COL22A1: variants seen among roughly 807,000 people sequenced by gnomAD.
COL22A1 encodes the protein collagen type XXII alpha 1 chain, also known as collagen alpha-1(XXII) chain.
A neutral mutation model predicts 248.9 loss-of-function variants in COL22A1; 221 were observed. The observed-to-expected ratio is 0.89, with a 90% confidence interval of 0.80 to 0.99. The LOEUF is 0.99. Among genes scored for constraint, COL22A1 ranks in the 50% least tolerant of loss-of-function variants. The pLI is 0.00. For synonymous variants in COL22A1, 891 were observed against 793.4 expected, an observed-to-expected ratio of 1.12 and a Z score of -2.07; for missense variants, 2,240 against 2,179.0, an observed-to-expected ratio of 1.03 and a Z score of -0.56.
intron 17 of COL22A1, 33 bp downstream of exon 17, chr8:138,762,380 A>G: frequency 6.2e-7 from 1 of 1,610,880 alleles, no homozygotes; most frequent in Non-Finnish European, 8.5e-7. Flanking sequence ...ACCGCTGATG[A>G]AACCTAGCCC....
At chr8:138,724,750 C>A in intron 24 of COL22A1, 82 bp from the exon 25 acceptor site, 1 of 1,398,164 alleles carries the variant, frequency 7.2e-7, no homozygotes. Flanking sequence ...CTGGCATGGG[C>A]CCAGGCCTCT....
intron 23 of COL22A1, among the ~76,000 whole-genome samples, chr8:138,726,334 T>TA (rs1422750785): frequency 2.7e-5 from 4 of 150,606 alleles, no homozygotes; most frequent in African/African-American, 9.8e-5. Flanking sequence ...TCCCTAGAAA[T>TA]AAAAAAATAA....
chr8:138,686,284 G>A (rs1826342512), intron 37 of COL22A1, among the ~76,000 whole-genome samples: 1 of 152,168 alleles, frequency 6.6e-6, no homozygotes, highest in Admixed American at 6.5e-5. Flanking sequence ...CCAGGCCAGT[G>A]CTTCATCTTC....
At chr8:138,690,146 A>G (rs943646422) in intron 36 of COL22A1, among the ~76,000 whole-genome samples, 3 of 152,250 alleles carry the variant, frequency 2.0e-5, no homozygotes, top group Admixed American at 6.5e-5. Flanking sequence ...TACTATGCTT[A>G]TTACCTATAA....
intron 39 of COL22A1, among the ~76,000 whole-genome samples, chr8:138,679,891 T>C (rs188512314): frequency 2.4e-4 from 37 of 152,322 alleles, no homozygotes; most frequent in Non-Finnish European, 3.5e-4. Context: ...CATTGAGATC[T>C]GCCTTTGACC....
chr8:138,674,117 C>A (rs1448452032), intron 41 of COL22A1, among the ~76,000 whole-genome samples: 2 of 152,124 alleles, frequency 1.3e-5, no homozygotes, highest in African/African-American at 4.8e-5. Context: ...GATCACCTCC[C>A]AAACAAACTC....
chr8:138,787,139 GC>G (rs201581488), intron 12 of COL22A1, among the ~76,000 whole-genome samples: 2,143 of 152,354 alleles, frequency 0.014, 25 homozygotes, highest in Middle Eastern at 0.027. Flanking sequence ...TCATCCAAGT[GC>G]ATGGGATGGG....
At chr8:138,724,364 G>A (rs996818944) in intron 25 of COL22A1, among the ~76,000 whole-genome samples, 3 of 152,186 alleles carry the variant, frequency 2.0e-5, no homozygotes, top group African/African-American at 7.2e-5. Flanking sequence ...AAGGTCAGTG[G>A]CCTAGGGACT....
Position 138,594,151 on chromosome 8 carries a change from G to T in COL22A1, c.4481C>A (p.Ser1494Ter). 1 of 1,577,130 alleles carries T rather than the reference G, an allele frequency of 6.3e-7. No individual in the cohort carries two copies. The highest frequency in any genetic ancestry group is 1.2e-5 in the South Asian group (1 of 85,946). The stretch of plus-strand genomic sequence containing the variant: ...TGGGGGCCCAGGTCTGCCTTGAGAT[G>T]ACTTCATGTACGCCGGGGGCATCTG... Reference protein sequence around the residue: ...LAQMPPAYMKSSQGRPGPPGP... With the variant: ...LAQMPPAYMK Residue 1494 changes from serine (S) to a stop codon, truncating the protein, a stop_gained, in exon 63 of 65, where the codon TCA (serine) becomes TAA (stop). Transcript: ENST00000303045. LOFTEE classifies it high-confidence loss of function.
At position 138,619,456 on chromosome 8, in the gene COL22A1, G is replaced by GGTGGGCCTC. The variant is rs759935973; in HGVS notation, c.3815_3823dup (p.Arg1272_Pro1274dup). On this transcript the variant is annotated inframe_insertion and splice_region_variant, in exon 53 of 65. Coordinates refer to ENST00000303045, the MANE Select transcript of COL22A1 (RefSeq NM_152888.3). ...TCCCCACACACACTACACACTTACA[G>GGTGGGCCTC]GTGGGCCTCGGGCACCCTCTGGTCC... The GGTGGGCCTC allele has an allele frequency of 6.2e-7, 1 of 1,613,982 alleles. No individual in the cohort carries two copies. The highest frequency in any genetic ancestry group is 1.3e-5 in the African/African-American group (1 of 75,044).
In COL22A1 at chr8:138,901,778, A is replaced by T. The variant is rs895723495; in HGVS notation, c.-73+11841T>A. 3.9e-5 allele frequency among the ~76,000 whole-genome samples: 6 copies of T among 152,006 alleles called. No homozygotes were observed. The South Asian group carries it at 1.2e-3, about 32-fold the overall frequency. On this transcript the variant is annotated intron_variant, in intron 1 of 64. Coordinates refer to ENST00000303045, the MANE Select transcript of COL22A1 (RefSeq NM_152888.3). ...CCTCATTGCCTTTGGATAAAGTCCG[A>T]GTGCTTATTGCAGACCTTCATGGGC...
At chr8:138,853,199 G>T (rs917427394) in intron 3 of COL22A1, among the ~76,000 whole-genome samples, 4 of 152,164 alleles carry the variant, frequency 2.6e-5, no homozygotes, top group African/African-American at 4.8e-5. Context: ...AGCATTTATA[G>T]TGAGGTTTGG....
chr8:138,637,759 T>C (rs553400174), intron 47 of COL22A1, among the ~76,000 whole-genome samples: 8 of 152,280 alleles, frequency 5.3e-5, no homozygotes, highest in African/African-American at 1.9e-4. Flanking sequence ...TTATGACAGG[T>C]TGTGTGTTAG....
intron 1 of COL22A1, among the ~76,000 whole-genome samples, chr8:138,895,269 C>T (rs4736060): frequency 0.21 from 31,888 of 151,844 alleles, 3,665 homozygotes; most frequent in African/African-American, 0.31. Flanking sequence ...CTGAAAGTAA[C>T]TTATTATGCC....
chr8:138,689,158 C>T (rs894865353), intron 36 of COL22A1, among the ~76,000 whole-genome samples, 188 bp from the exon 37 acceptor site: 3 of 143,754 alleles, frequency 2.1e-5, no homozygotes, highest in East Asian at 2.1e-4. Context: ...GCTGCTCTCC[C>T]GGGGGGGGGG....
At chr8:138,674,320 C>A (rs144243290) in intron 41 of COL22A1, among the ~76,000 whole-genome samples, 124 of 152,264 alleles carry the variant, frequency 8.1e-4, no homozygotes, top group African/African-American at 3.0e-3. Flanking sequence ...GTGAACTTGA[C>A]ATGTACCCAC....
At chr8:138,851,295 G>A (rs896607613) in intron 3 of COL22A1, among the ~76,000 whole-genome samples, 3 of 152,188 alleles carry the variant, frequency 2.0e-5, no homozygotes, top group Non-Finnish European at 2.9e-5. Context: ...GAGAGGCTTC[G>A]CTTATCATGA....
intron 3 of COL22A1, among the ~76,000 whole-genome samples, chr8:138,845,650 C>T (rs774576450): frequency 1.2e-4 from 19 of 152,084 alleles, no homozygotes; most frequent in South Asian, 2.1e-4. Flanking sequence ...ACTACACTCC[C>T]GCCTACCCTC....
At chr8:138,720,606 G>A in intron 27 of COL22A1, 133 bp downstream of exon 27, 1 of 756,138 alleles carries the variant, frequency 1.3e-6, no homozygotes, top group Non-Finnish European at 2.3e-6. Flanking sequence ...CCCTTTTCAA[G>A]TATCTGATGT....
Sources: gnomAD v4.1 joint callset for allele counts (sites outside exome capture counted in the v4.1 genomes callset) on GRCh38, gnomAD v4.1.1 for gene constraint, MANE v1.5 for transcripts, NCBI Gene and HGNC (gene_info 2026-07-23, HGNC 2026-07-21) for gene names.